Variants in RBFOX1 observed in about 807,000 individuals in gnomAD.
The protein encoded by RBFOX1 is RNA binding fox-1 homolog 1.
A neutral mutation model predicts 57.7 loss-of-function variants in RBFOX1; 8 were observed. The observed-to-expected ratio is 0.14, with a 90% CI of 0.08 to 0.25. The LOEUF (loss-of-function observed/expected upper bound fraction) is 0.25. RBFOX1 is among the 10% of genes least tolerant of loss of function. The pLI, the probability that RBFOX1 is intolerant of heterozygous loss-of-function variation, is 1.00. For synonymous variants in RBFOX1, 326 were observed against 222.4 expected (o/e 1.47, Z -4.15); for missense variants, 611 against 548.5 (o/e 1.11, Z -1.14).
chr16:7,527,830 T>C (rs1322872013), intron 5 of RBFOX1, among the ~76,000 whole-genome samples: 1 of 152,212 alleles, frequency 6.6e-6, no homozygotes, highest in East Asian at 1.9e-4. Context: ...CAGAGCGGTC[T>C]CCTTGGTTCC....
chr16:6,073,574 C>G (rs577652632), intron 1 of RBFOX1, among the ~76,000 whole-genome samples: 3 of 152,130 alleles, frequency 2.0e-5, no homozygotes, highest in Non-Finnish European at 4.4e-5. Flanking sequence ...TGCTTTAGAA[C>G]GTAATACACT....
intron 4 of RBFOX1, among the ~76,000 whole-genome samples, chr16:7,353,844 T>C (rs1031070102): frequency 1.3e-5 from 2 of 152,346 alleles, no homozygotes; most frequent in South Asian, 2.1e-4. Context: ...ATATGGATTT[T>C]CTTTTTGAGG....
intron 4 of RBFOX1, among the ~76,000 whole-genome samples, chr16:7,383,669 T>C (rs1384956489): frequency 6.6e-6 from 1 of 152,192 alleles, no homozygotes; most frequent in East Asian, 1.9e-4. Flanking sequence ...GATGCAATAT[T>C]ATTCCAGAAT....
intron 3 of RBFOX1, among the ~76,000 whole-genome samples, chr16:5,809,612 A>G (rs929273464): frequency 6.6e-6 from 1 of 152,238 alleles, no homozygotes; most frequent in Non-Finnish European, 1.5e-5. Flanking sequence ...ATGCAAATCA[A>G]AACCACGATG....
chr16:7,617,851 G>A (rs1182951078), intron 10 of RBFOX1, among the ~76,000 whole-genome samples: 3 of 152,162 alleles, frequency 2.0e-5, no homozygotes, highest in East Asian at 1.9e-4. Context: ...CTCTCTGCAT[G>A]AGGAGTCAAG....
chr16:5,275,445 G>A (rs1006685179), intron 1 of RBFOX1, among the ~76,000 whole-genome samples: 2 of 152,100 alleles, frequency 1.3e-5, no homozygotes, highest in Non-Finnish European at 2.9e-5. Context: ...TATAATAGCT[G>A]TAAAAATAAA....
chr16:6,834,383 C>G (rs750578703), intron 3 of RBFOX1, among the ~76,000 whole-genome samples: 3 of 151,912 alleles, frequency 2.0e-5, no homozygotes, highest in Non-Finnish European at 4.4e-5. Flanking sequence ...GGCCCTGATC[C>G]AAAAAATATT....
chr16:6,328,525 C>G (rs2024387), intron 2 of RBFOX1, among the ~76,000 whole-genome samples: 2 of 152,170 alleles, frequency 1.3e-5, no homozygotes, highest in African/African-American at 4.8e-5. Flanking sequence ...TCACATCTAG[C>G]AGTTCATTAA....
At chr16:7,675,789 C>T (rs1014464638) in intron 13 of RBFOX1, among the ~76,000 whole-genome samples, 1 of 152,164 alleles carries the variant, frequency 6.6e-6, no homozygotes, top group Non-Finnish European at 1.5e-5. Flanking sequence ...ACACTTACCT[C>T]AGAGGATTAT....
chr16:7,553,706 G>T (rs535742898), intron 5 of RBFOX1, among the ~76,000 whole-genome samples: 14 of 152,266 alleles, frequency 9.2e-5, no homozygotes, highest in Admixed American at 9.2e-4. Flanking sequence ...CAGCTACAAG[G>T]GAGTGTTTAC....
At chr16:7,101,887 T>C (rs1372616212) in intron 4 of RBFOX1, among the ~76,000 whole-genome samples, 1 of 152,110 alleles carries the variant, frequency 6.6e-6, no homozygotes, top group South Asian at 2.1e-4. Context: ...TGGTAAACTG[T>C]ACCAAAGCAT....
intron 3 of RBFOX1, among the ~76,000 whole-genome samples, chr16:7,029,257 C>CAT (rs1491539667): frequency 1.4e-4 from 3 of 21,938 alleles, no homozygotes; most frequent in Non-Finnish European, 2.0e-4. Context: ...TATATACACA[C>CAT]ATATATATAC....
chr16:7,705,591 C>G (rs1458037812), intron 14 of RBFOX1, among the ~76,000 whole-genome samples: 1 of 152,156 alleles, frequency 6.6e-6, no homozygotes, highest in Non-Finnish European at 1.5e-5. Context: ...GGGACAGAGG[C>G]AGCTTATTCA....
intron 3 of RBFOX1, among the ~76,000 whole-genome samples, chr16:6,681,947 T>C (rs1054877834): frequency 6.6e-6 from 1 of 152,220 alleles, no homozygotes. Flanking sequence ...TAAGTTTTGA[T>C]ATTAATATCT....
At chr16:7,114,398 A>T (rs184536408) in intron 4 of RBFOX1, among the ~76,000 whole-genome samples, 5 of 152,312 alleles carry the variant, frequency 3.3e-5, no homozygotes, top group African/African-American at 1.2e-4. Context: ...GGAAGGAAGT[A>T]TATGCTCACT....
intron 1 of RBFOX1, among the ~76,000 whole-genome samples, chr16:6,127,155 A>C (rs2096595740): frequency 6.6e-6 from 1 of 152,138 alleles, no homozygotes; most frequent in African/African-American, 2.4e-5. Context: ...AACTGGAAGG[A>C]TGTCAACATG....
rs1555652868 is a variant in RBFOX1 at position 7,273,252 on chromosome 16, T to TCCTTCCTC, written c.27+221161_27+221162insCCCTTCCT. On this transcript the variant is annotated intron_variant, in intron 4 of 15. Transcript: ENST00000550418. ...TTCCTTCCTTCCTTCCTTCCTTCCT[T>TCCTTCCTC]CCTTCCTTCCTCCCTTTCTCTTTTT... is the stretch of plus-strand genomic sequence containing the variant. 7.3e-3 allele frequency among the ~76,000 whole-genome samples: 708 copies of TCCTTCCTC among 96,562 alleles called. 66 individuals carry two copies. Among genetic ancestry groups the TCCTTCCTC allele is most frequent in the African/African-American group, 0.014 (287 of 20,380 alleles). The allele number at this position is 96,562 out of a possible 152,430, so 63.3% of individuals were successfully genotyped here.
At chr16:7,126,808 T>A (rs2151907130) in intron 4 of RBFOX1, among the ~76,000 whole-genome samples, 1 of 151,886 alleles carries the variant, frequency 6.6e-6, no homozygotes, top group Non-Finnish European at 1.5e-5. Flanking sequence ...AAGATTTTCT[T>A]TTAGCCTGGC....
chr16:6,011,337 A>G (rs887695924), intron 4 of RBFOX1, among the ~76,000 whole-genome samples: 2 of 152,108 alleles, frequency 1.3e-5, no homozygotes, highest in Non-Finnish European at 2.9e-5. Flanking sequence ...TTTTTACAAA[A>G]TGATTTCTAG....
Sources: gnomAD v4.1 joint callset for allele counts (sites outside exome capture counted in the v4.1 genomes callset) on GRCh38, gnomAD v4.1.1 for gene constraint, MANE v1.5 for transcripts, NCBI Gene and HGNC (gene_info 2026-07-23, HGNC 2026-07-21) for gene names.